The following TEX12 variants were observed in gnomAD, a reference collection of about 807,000 sequenced individuals.
The protein encoded by TEX12 is testis expressed 12, also known as testis-expressed protein 12.
TEX12 carries 7 observed loss-of-function variants against 14.6 expected under a neutral mutation model. That is an observed-to-expected ratio of 0.48 (90% confidence interval 0.27 to 0.90). The LOEUF is 0.90. TEX12 is among the 40% of genes least tolerant of loss of function. TEX12 has a pLI of 0.12. For missense variants in TEX12, 121 were observed against 135.7 expected, an observed-to-expected ratio of 0.89 and a Z score of 0.54; for synonymous variants, 57 against 49.1, an observed-to-expected ratio of 1.16 and a Z score of -0.67.
chr11:112,172,017 A>G lies in TEX12; in HGVS notation c.*101A>G, dbSNP rs1179796788. 11 of 890,186 alleles carry G rather than the reference A, an allele frequency of 1.2e-5. No homozygotes were observed. The highest frequency in any genetic ancestry group is 3.8e-4 in the Middle Eastern group (1 of 2,606). The allele number at this position is 890,186 out of a possible 1,614,324, so 55.1% of individuals were successfully genotyped here. A position where few individuals can be genotyped will look rare whatever the true frequency, so the allele number is the denominator to read the frequency against. On this transcript the variant is annotated 3_prime_UTR_variant, in exon 5 of 5. Transcript: ENST00000280358. ...GCTCTCGAGTTGTTAAAGAAAATGTATATCTCGAATAGAGAAGGGGAAACT... is the reference window on the plus strand; with the variant it reads ...GCTCTCGAGTTGTTAAAGAAAATGTGTATCTCGAATAGAGAAGGGGAAACT...
chr11:112,171,248 T>A (rs898338895), intron 4 of TEX12, among the ~76,000 whole-genome samples: 33 of 152,076 alleles, frequency 2.2e-4, no homozygotes, highest in African/African-American at 6.8e-4. Context: ...ATTTAAATTA[T>A]ATGGCAGAAT....
chr11:112,170,765 C>CTGTGG, intron 4 of TEX12, 91 bp downstream of exon 4: 1 of 975,266 alleles, frequency 1.0e-6, no homozygotes, highest in South Asian at 1.5e-5. Context: ...GGCTGCCAAA[C>CTGTGG]CTCTCCAGTA....
In TEX12 at chr11:112,172,174, A is replaced by G. The variant is rs1009592772; in HGVS notation, c.*258A>G. 2.0e-5 allele frequency: 4 copies of G among 202,130 alleles called. No homozygotes were observed. Among genetic ancestry groups the G allele is most frequent in the Non-Finnish European group, 3.0e-5 (3 of 101,024 alleles). The allele number at this position is 202,130 out of a possible 1,614,324, so 12.5% of individuals were successfully genotyped here. ...CTTTTGAGGGTCAAATATTTAGTGC[A>G]TTTTATAGAAGTGTAAATTATTTAA... On this transcript the variant is annotated 3_prime_UTR_variant, in exon 5 of 5. Coordinates refer to ENST00000280358, the MANE Select transcript of TEX12 (RefSeq NM_031275.4).
intron 1 of TEX12, 139 bp from the exon 2 acceptor site, chr11:112,169,114 A>G: frequency 1.5e-6 from 1 of 665,104 alleles, no homozygotes; most frequent in African/African-American, 1.8e-5. Flanking sequence ...TAGAGGAGGG[A>G]GAAATTGAGT....
Position 112,171,993 on chromosome 11 carries a change from C to A in TEX12, c.*77C>A. 2 of 1,170,270 alleles carry A rather than the reference C, an allele frequency of 1.7e-6. No homozygotes were observed. Among genetic ancestry groups the A allele is most frequent in the Non-Finnish European group, 1.1e-6 (1 of 884,472 alleles). 72.5% of individuals were successfully genotyped at this position (1,170,270 alleles called of 1,614,324 possible). A position where few individuals can be genotyped will look rare whatever the true frequency, so the allele number is the denominator to read the frequency against. ...AAGAATGACATTTATGCTTTGAAAG[C>A]TCTCGAGTTGTTAAAGAAAATGTAT... On this transcript the variant is annotated 3_prime_UTR_variant, in exon 5 of 5. Transcript: ENST00000280358.
intron 3 of TEX12, 33 bp from the exon 4 acceptor site, chr11:112,170,590 T>C (rs1428899958): frequency 1.3e-6 from 2 of 1,599,480 alleles, no homozygotes; most frequent in African/African-American, 2.7e-5. Context: ...AGGTTTGTTA[T>C]ATTTTATAAC....
At chr11:112,171,000 A>G (rs1043621802) in intron 4 of TEX12, among the ~76,000 whole-genome samples, 1 of 152,146 alleles carries the variant, frequency 6.6e-6, no homozygotes. Context: ...TAATGATAAC[A>G]GACTGATATT....
At chr11:112,171,722 G>A in intron 4 of TEX12, 50 bp from the exon 5 acceptor site, 3 of 1,090,020 alleles carry the variant, frequency 2.8e-6, no homozygotes, top group Non-Finnish European at 3.7e-6. Flanking sequence ...ACAACATAAT[G>A]ATGTTGTTTA....
rs1866796731 is a variant in TEX12 at position 112,171,969 on chromosome 11, A to G, written c.*53A>G. ...TTAAACCTATTATTGTTATAATGAA[A>G]GAATGACATTTATGCTTTGAAAGCT... On this transcript the variant is annotated 3_prime_UTR_variant, in exon 5 of 5. Transcript: ENST00000280358. 1 of 1,310,046 alleles carries G rather than the reference A, an allele frequency of 7.6e-7. No homozygotes were observed. Among genetic ancestry groups the G allele is most frequent in the African/African-American group, 1.5e-5 (1 of 65,994 alleles). The allele number at this position is 1,310,046 out of a possible 1,614,324, so 81.2% of individuals were successfully genotyped here. A position where few individuals can be genotyped will look rare whatever the true frequency, so the allele number is the denominator to read the frequency against.
At position 112,171,810 on chromosome 11, in the gene TEX12, T is replaced by C. The variant is rs762511918; in HGVS notation, c.266T>C (p.Ile89Thr). Residue 89 changes from isoleucine (I) to threonine (T), a missense_variant, in exon 5 of 5, where the codon ATA becomes ACA. Transcript: ENST00000280358. ...AAVDASYIDE[I>T]DELFKEANAI... is the part of the protein sequence containing the mutation. Reference sequence around the variant, plus strand: ...GTAGATGCATCTTACATTGATGAGATAGATGAACTCTTCAAAGAAGCCAAT... The same window carrying C: ...GTAGATGCATCTTACATTGATGAGACAGATGAACTCTTCAAAGAAGCCAAT... 49 of 1,590,588 alleles carry C rather than the reference T, an allele frequency of 3.1e-5. No individual in the cohort carries two copies. The highest frequency in any genetic ancestry group is 3.5e-5 in the South Asian group (3 of 86,254).
Position 112,171,882 on chromosome 11 carries a change from G to A in TEX12, c.338G>A (p.Arg113Lys). 1 of 1,579,308 alleles carries A rather than the reference G, an allele frequency of 6.3e-7. No homozygotes were observed. The change falls in exon 5 of 5, where the codon AGG (arginine) becomes AAG (lysine). Residue 113 changes from arginine (R) to lysine (K), a missense_variant. By Grantham distance (26) the Arg-to-Lys change is conservative. Transcript: ENST00000280358. ...LIQKREFLRQ[R>K]FTVIANTLHR ...CAAAAAAGAGAGTTCCTGCGACAGA[G>A]GTTTACAGTGATTGCAAACACATTA...
Position 112,169,250 on chromosome 11 carries a change from T to C in TEX12, c.-16-3T>C, listed in dbSNP as rs754477040. The C allele has an allele frequency of 1.9e-6, 3 of 1,609,568 alleles. No homozygotes were observed. In the African/African-American group the frequency reaches 4.0e-5, roughly 21 times the overall value. ...AAATCTGGCATTGTTCTAAGCTTTGTAGCTGGTGCCTTCGGAATATGATGG... is the reference window on the plus strand; with the variant it reads ...AAATCTGGCATTGTTCTAAGCTTTGCAGCTGGTGCCTTCGGAATATGATGG... On this transcript the variant is annotated splice_polypyrimidine_tract_variant and splice_region_variant and intron_variant, in intron 1 of 4. Coordinates refer to ENST00000280358, the MANE Select transcript of TEX12 (RefSeq NM_031275.4).
chr11:112,169,080 C>G (rs191852729), intron 1 of TEX12, among the ~76,000 whole-genome samples, 173 bp from the exon 2 acceptor site: 307 of 152,186 alleles, frequency 2.0e-3, no homozygotes, highest in Non-Finnish European at 3.5e-3. Context: ...AAAGATTACC[C>G]AAATAGCAGT....
At chr11:112,169,195 C>A in intron 1 of TEX12, 58 bp from the exon 2 acceptor site, 1 of 1,160,794 alleles carries the variant, frequency 8.6e-7, no homozygotes. Flanking sequence ...GGAAGGATTC[C>A]AGAGAGCTTG....
intron 1 of TEX12, 97 bp from the exon 2 acceptor site, chr11:112,169,156 T>C (rs1866761521): frequency 3.8e-6 from 3 of 784,724 alleles, no homozygotes; most frequent in Non-Finnish European, 6.6e-6. Flanking sequence ...ACAGTCTAAA[T>C]TAACATCAGC....
Position 112,168,282 on chromosome 11 carries a change from C to T in TEX12, c.-17+795C>T, listed in dbSNP as rs145319410. Reference sequence around the variant, plus strand: ...TCATCTCAAAGACACAGAGACTATACCCTTCCAGGTTTCAACATTTGGACT... The same window carrying T: ...TCATCTCAAAGACACAGAGACTATATCCTTCCAGGTTTCAACATTTGGACT... On this transcript the variant is annotated intron_variant, in intron 1 of 4. Transcript: ENST00000280358. Among the ~76,000 whole-genome samples, 21 of 152,300 alleles carry T rather than the reference C, an allele frequency of 1.4e-4. No homozygotes were observed. In the East Asian group the frequency reaches 3.5e-3, roughly 25 times the overall value.
chr11:112,171,940 G>C lies in TEX12; in HGVS notation c.*24G>C. On this transcript the variant is annotated 3_prime_UTR_variant, in exon 5 of 5. Transcript: ENST00000280358. ...AAAATATATACTTGAAATAAGCTGA[G>C]AATTTAAACCTATTATTGTTATAAT... is the stretch of plus-strand genomic sequence containing the variant. The C allele has an allele frequency of 7.1e-7, 1 of 1,415,138 alleles. No individual in the cohort carries two copies. Among genetic ancestry groups the C allele is most frequent in the Non-Finnish European group, 9.3e-7 (1 of 1,073,298 alleles). 87.7% of individuals were successfully genotyped at this position (1,415,138 alleles called of 1,614,324 possible). A position where few individuals can be genotyped will look rare whatever the true frequency, so the allele number is the denominator to read the frequency against.
At chr11:112,171,661 G>T in intron 4 of TEX12, 111 bp from the exon 5 acceptor site, 1 of 683,034 alleles carries the variant, frequency 1.5e-6, no homozygotes, top group Non-Finnish European at 2.2e-6. Flanking sequence ...AAGTTCTGTG[G>T]CACATAAAGC....
At position 112,172,473 on chromosome 11, in the gene TEX12, T is replaced by C. The variant is rs1866803803; in HGVS notation, c.*557T>C. 1.3e-5 allele frequency: 2 copies of C among 152,142 alleles called. No homozygotes were observed. Among genetic ancestry groups the C allele is most frequent in the Admixed American group, 1.3e-4 (2 of 15,282 alleles). The allele number at this position is 152,142 out of a possible 1,614,324, so 9.4% of individuals were successfully genotyped here. On this transcript the variant is annotated 3_prime_UTR_variant, in exon 5 of 5. Transcript: ENST00000280358. ...TTTGATTATTTTCACTATTAGTTATTATGTATGACTAATAAAAGCTCTCGG... is the reference window on the plus strand; with the variant it reads ...TTTGATTATTTTCACTATTAGTTATCATGTATGACTAATAAAAGCTCTCGG...
Sources: gnomAD v4.1 joint callset for allele counts (sites outside exome capture counted in the v4.1 genomes callset) on GRCh38, gnomAD v4.1.1 for gene constraint, MANE v1.5 for transcripts, NCBI Gene and HGNC (gene_info 2026-07-23, HGNC 2026-07-21) for gene names.